The following FBXW11 variants were observed in gnomAD, a reference collection of about 807,000 sequenced individuals.
FBXW11 encodes F-box/WD repeat-containing protein 11.
FBXW11 carries 19 observed loss-of-function variants against 77.6 expected under a neutral mutation model. The ratio of observed to expected loss-of-function variants is 0.24; its 90% CI spans 0.17 to 0.36. The LOEUF is 0.36. FBXW11 is among the 10% of genes least tolerant of loss of function. The pLI is 1.00. For synonymous variants in FBXW11, 235 were observed against 249.4 expected, an observed-to-expected ratio of 0.94 and a Z score of 0.54; for missense variants, 334 against 704.2, an observed-to-expected ratio of 0.47 and a Z score of 5.95.
intron 1 of FBXW11, among the ~76,000 whole-genome samples, chr5:171,986,922 T>C (rs940376048): frequency 2.6e-5 from 4 of 152,182 alleles, no homozygotes; most frequent in Non-Finnish European, 5.9e-5. Context: ...CAAAGCTTTA[T>C]CTGTATTTAC....
At chr5:171,974,512 T>C (rs1315156818) in intron 1 of FBXW11, among the ~76,000 whole-genome samples, 2 of 151,912 alleles carry the variant, frequency 1.3e-5, no homozygotes, top group Non-Finnish European at 2.9e-5. Flanking sequence ...TTTTATAGGT[T>C]TTAATTGCTT....
intron 4 of FBXW11, among the ~76,000 whole-genome samples, chr5:171,901,507 T>G (rs1284284457): frequency 6.6e-6 from 1 of 152,212 alleles, no homozygotes; most frequent in Non-Finnish European, 1.5e-5. Context: ...GTCCTTCATA[T>G]ACTAAAATTC....
chr5:171,913,806 ACC>A (rs1761033649), intron 3 of FBXW11, among the ~76,000 whole-genome samples: 2 of 80,750 alleles, frequency 2.5e-5, no homozygotes, highest in Non-Finnish European at 5.4e-5. Context: ...CAAACCCCCA[ACC>A]ACACACACAT....
At chr5:172,001,553 T>C (rs1766412639) in intron 1 of FBXW11, among the ~76,000 whole-genome samples, 2 of 151,930 alleles carry the variant, frequency 1.3e-5, no homozygotes, top group South Asian at 4.2e-4. Context: ...CCATGAGGAG[T>C]TTATCATTCA....
intron 11 of FBXW11, among the ~76,000 whole-genome samples, chr5:171,870,441 G>A (rs1561631274): frequency 6.6e-6 from 1 of 151,936 alleles, no homozygotes; most frequent in South Asian, 2.1e-4. Context: ...TAGGGATAAA[G>A]CAAAGAAGTC....
Position 171,861,951 on chromosome 5 carries a change from A to G in FBXW11, c.*2176T>C, listed in dbSNP as rs1757115709. The stretch of plus-strand genomic sequence containing the variant: ...CTGGGAATTACTATTATAATCCCAG[A>G]AAGTCAGAACTCCTTGGGTGCCAAA... On this transcript the variant is annotated 3_prime_UTR_variant, in exon 14 of 14. Coordinates refer to ENST00000517395, the MANE Select transcript of FBXW11 (RefSeq NM_001378974.1). 6.5e-6 allele frequency: 1 copy of G among 152,696 alleles called. No homozygotes were observed. The highest frequency in any genetic ancestry group is 2.1e-4 in the South Asian group (1 of 4,836). 9.5% of individuals were successfully genotyped at this position (152,696 alleles called of 1,614,324 possible). A position where few individuals can be genotyped will look rare whatever the true frequency, so the allele number is the denominator to read the frequency against.
At chr5:171,906,237 C>G (rs1760510519) in intron 4 of FBXW11, among the ~76,000 whole-genome samples, 1 of 146,922 alleles carries the variant, frequency 6.8e-6, no homozygotes. Flanking sequence ...GTTATCCCTT[C>G]CCCCTCCCTA....
chr5:171,887,487 A>T (rs1396643209), intron 7 of FBXW11, among the ~76,000 whole-genome samples: 1 of 152,058 alleles, frequency 6.6e-6, no homozygotes, highest in Non-Finnish European at 1.5e-5. Flanking sequence ...AGCCCACTAC[A>T]ATCTATCTCT....
At chr5:171,999,390 A>C (rs79741978) in intron 1 of FBXW11, among the ~76,000 whole-genome samples, 4 of 130,462 alleles carry the variant, frequency 3.1e-5, no homozygotes, top group East Asian at 4.0e-4. Flanking sequence ...CCTTCCCTTC[A>C]AAAAAAAAAA....
chr5:171,987,453 G>T (rs115818359), intron 1 of FBXW11, among the ~76,000 whole-genome samples: 6,099 of 151,584 alleles, frequency 0.04, 174 homozygotes, highest in Non-Finnish European at 0.061. Context: ...GGTTTTTTTT[G>T]TTTGTTTGTT....
intron 1 of FBXW11, among the ~76,000 whole-genome samples, chr5:172,002,669 T>A (rs1041451680): frequency 2.0e-5 from 3 of 150,688 alleles, no homozygotes; most frequent in Admixed American, 6.6e-5. Context: ...AGTAACTTCA[T>A]TTATTCGTTT....
At chr5:171,958,309 T>G (rs1381697745) in intron 1 of FBXW11, among the ~76,000 whole-genome samples, 1 of 152,304 alleles carries the variant, frequency 6.6e-6, no homozygotes, top group South Asian at 2.1e-4. Context: ...TTGTGAAAAC[T>G]TATATCACCC....
Position 171,948,750 on chromosome 5 carries a change from G to A in FBXW11, c.147+8847C>T, listed in dbSNP as rs574042821. On this transcript the variant is annotated intron_variant, in intron 2 of 13. Coordinates refer to ENST00000517395, the MANE Select transcript of FBXW11 (RefSeq NM_001378974.1). ...ATTTTTGTTCAAGAATTAAAAAGAC[G>A]TTTTTTAATGTGTTCTGAATTCCAT... Among the ~76,000 whole-genome samples the A allele has an allele frequency of 5.9e-5, 9 of 152,230 alleles. No individual in the cohort carries two copies. In the East Asian group the frequency reaches 1.5e-3, roughly 26 times the overall value.
Position 171,898,526 on chromosome 5 carries a change from A to G in FBXW11, c.714+478T>C, listed in dbSNP as rs148650185. Among the ~76,000 whole-genome samples, 35 of 152,330 alleles carry G rather than the reference A, an allele frequency of 2.3e-4. 1 individual carries two copies. In the East Asian group the frequency reaches 6.7e-3, roughly 29 times the overall value. ...GTTACGCTCAAATCCAAAATGGTCC[A>G]GGAGCATAATTTGCCCTATAAAATC... On this transcript the variant is annotated intron_variant, in intron 6 of 13. Coordinates refer to ENST00000517395, the MANE Select transcript of FBXW11 (RefSeq NM_001378974.1).
chr5:171,884,925 C>G (rs1244116801), intron 7 of FBXW11, among the ~76,000 whole-genome samples: 2 of 152,158 alleles, frequency 1.3e-5, no homozygotes, highest in Non-Finnish European at 2.9e-5. Flanking sequence ...GTACATTAAT[C>G]AAAAGGAAAT....
chr5:171,911,296 T>C (rs981199485), intron 3 of FBXW11, among the ~76,000 whole-genome samples: 2 of 152,216 alleles, frequency 1.3e-5, no homozygotes, highest in Admixed American at 6.5e-5. Flanking sequence ...ACAGGAGGGA[T>C]TGTTAAACAC....
chr5:171,922,423 T>C (rs991244658), intron 2 of FBXW11, among the ~76,000 whole-genome samples: 1 of 152,176 alleles, frequency 6.6e-6, no homozygotes, highest in Non-Finnish European at 1.5e-5. Context: ...TGCCAACACA[T>C]TGCTGGGAAT....
At position 171,979,212 on chromosome 5, in the gene FBXW11, T is replaced by G. The variant is rs748800496; in HGVS notation, c.46-21514A>C. On this transcript the variant is annotated intron_variant, in intron 1 of 13. Coordinates refer to ENST00000517395, the MANE Select transcript of FBXW11 (RefSeq NM_001378974.1). ...GTTGCATGCCTGTAGTCCCAGCTAC[T>G]CAGTCAACTGAGGTGGATCACTTGA... 5.6e-4 allele frequency among the ~76,000 whole-genome samples: 85 copies of G among 152,280 alleles called. 1 individual carries two copies. The highest frequency in any genetic ancestry group is 2.4e-3 in the Admixed American group (37 of 15,288).
intron 1 of FBXW11, among the ~76,000 whole-genome samples, chr5:171,982,466 G>T (rs1765202359): frequency 6.6e-6 from 1 of 152,118 alleles, no homozygotes; most frequent in African/African-American, 2.4e-5. Context: ...TAGATACGGG[G>T]TTACATCTTG....
Sources: gnomAD v4.1 joint callset for allele counts (sites outside exome capture counted in the v4.1 genomes callset) on GRCh38, gnomAD v4.1.1 for gene constraint, MANE v1.5 for transcripts, NCBI Gene and HGNC (gene_info 2026-07-23, HGNC 2026-07-21) for gene names.